Variants in TRAPPC9 observed in about 807,000 individuals in gnomAD.
TRAPPC9 encodes IKK2 binding protein.
TRAPPC9 carries 83 observed loss-of-function variants against 124.0 expected under a neutral mutation model. That is an observed-to-expected ratio of 0.67 (90% CI 0.56 to 0.80). The LOEUF is 0.80. Ranked by LOEUF, TRAPPC9 falls within the 30% of genes least tolerant of loss-of-function variation. TRAPPC9 has a pLI of 0.00. For synonymous variants in TRAPPC9, 638 were observed against 617.5 expected, an observed-to-expected ratio of 1.03 and a Z score of -0.49; for missense variants, 1,302 against 1,508.3, an observed-to-expected ratio of 0.86 and a Z score of 2.27.
intron 1 of TRAPPC9, among the ~76,000 whole-genome samples, chr8:140,455,843 G>A (rs537861422): frequency 6.6e-6 from 1 of 152,284 alleles, no homozygotes; most frequent in South Asian, 2.1e-4. Context: ...CCACAGAAAG[G>A]AACAAAGTGC....
At chr8:139,965,789 C>CAAGGGGAAAT (rs1835667156) in intron 19 of TRAPPC9, among the ~76,000 whole-genome samples, 2 of 152,070 alleles carry the variant, frequency 1.3e-5, no homozygotes, top group Non-Finnish European at 2.9e-5. Flanking sequence ...CCATGTTGAG[C>CAAGGGGAAAT]AGAGTTGGCT....
At chr8:139,807,857 A>G (rs1824176079) in intron 21 of TRAPPC9, among the ~76,000 whole-genome samples, 1 of 152,208 alleles carries the variant, frequency 6.6e-6, no homozygotes, top group South Asian at 2.1e-4. Context: ...AAGCACAGGC[A>G]CCGGCTGGGT....
At chr8:139,807,657 G>T (rs555452176) in intron 21 of TRAPPC9, among the ~76,000 whole-genome samples, 2 of 152,118 alleles carry the variant, frequency 1.3e-5, no homozygotes, top group African/African-American at 2.4e-5. Context: ...AAAGGTGGGC[G>T]AACGGTACCA....
chr8:139,852,048 T>C (rs1475644896), intron 21 of TRAPPC9, among the ~76,000 whole-genome samples: 1 of 152,154 alleles, frequency 6.6e-6, no homozygotes. Flanking sequence ...AATTGAATCA[T>C]GGGGGCAGGT....
intron 17 of TRAPPC9, among the ~76,000 whole-genome samples, chr8:140,193,825 T>C (rs574840386): frequency 6.6e-5 from 10 of 152,250 alleles, no homozygotes; most frequent in African/African-American, 2.4e-4. Context: ...GTAATACCTA[T>C]CTTTCAGGGC....
intron 21 of TRAPPC9, among the ~76,000 whole-genome samples, chr8:139,773,214 C>T (rs1821107266): frequency 6.6e-6 from 1 of 152,244 alleles, no homozygotes; most frequent in African/African-American, 2.4e-5. Context: ...CCTGGCGCGC[C>T]CAGGTCTCTG....
chr8:140,435,164 C>G lies in TRAPPC9; in HGVS notation c.807G>C (p.Arg269=), dbSNP rs781716634. 1.9e-6 allele frequency: 3 copies of G among 1,614,048 alleles called. No homozygotes were observed. The change falls in exon 4 of 23, where the codon CGG becomes CGC. Residue 269 remains arginine (R), a synonymous_variant. Transcript: ENST00000438773. ...CAGGAAGGGTGCTGCCCTGGAACCT[C>G]CGAGCTCCACTCTTCCCACCAGTTC... is the stretch of plus-strand genomic sequence containing the variant. ...PGGTGGKSGA[R]RFQGSTLPAE...
At chr8:140,091,597 C>G (rs1201254517) in intron 17 of TRAPPC9, among the ~76,000 whole-genome samples, 1 of 152,146 alleles carries the variant, frequency 6.6e-6, no homozygotes, top group African/African-American at 2.4e-5. Context: ...GAGGGAAAAC[C>G]TCATTATAAA....
intron 21 of TRAPPC9, 77 bp from the exon 22 acceptor site, chr8:139,732,279 T>A: frequency 7.6e-7 from 1 of 1,323,916 alleles, no homozygotes; most frequent in Non-Finnish European, 1.0e-6. Context: ...ACTCGCTGAT[T>A]CATTCATTTC....
At chr8:140,302,589 C>G (rs1447172266) in intron 10 of TRAPPC9, 1 of 152,268 alleles carries the variant, frequency 6.6e-6, no homozygotes, top group East Asian at 1.9e-4. Flanking sequence ...TCAGGAACAG[C>G]AGCCGTCAGG....
intron 17 of TRAPPC9, among the ~76,000 whole-genome samples, chr8:140,203,311 G>C (rs2062837660): frequency 6.6e-6 from 1 of 152,162 alleles, no homozygotes; most frequent in South Asian, 2.1e-4. Context: ...ATACACTCTG[G>C]CTTCATGGTC....
intron 9 of TRAPPC9, among the ~76,000 whole-genome samples, chr8:140,324,569 G>T (rs1027416456): frequency 6.6e-5 from 10 of 152,102 alleles, no homozygotes; most frequent in African/African-American, 2.4e-4. Flanking sequence ...CCAGAAGTTC[G>T]AGACCAGCCT....
chr8:139,833,972 T>C (rs1339514463), intron 21 of TRAPPC9, among the ~76,000 whole-genome samples: 1 of 152,110 alleles, frequency 6.6e-6, no homozygotes, highest in Non-Finnish European at 1.5e-5. Context: ...GGCTTTCCTG[T>C]GGCATGACCT....
At chr8:140,091,034 A>G (rs1844535635) in intron 17 of TRAPPC9, among the ~76,000 whole-genome samples, 1 of 152,230 alleles carries the variant, frequency 6.6e-6, no homozygotes, top group Non-Finnish European at 1.5e-5. Context: ...AGAAGACTGC[A>G]GAGAGAGAGA....
In TRAPPC9 at chr8:140,257,285, C is replaced by T. The variant is rs185323015; in HGVS notation, c.2279-4356G>A. ...AACCCTGGCCCTCACACCCATTCAC[C>T]GTGCCTCAGTCCTCTGGCAGCTCAG... On this transcript the variant is annotated intron_variant, in intron 15 of 22. Coordinates refer to ENST00000438773, the MANE Select transcript of TRAPPC9 (RefSeq NM_001160372.4). The surrounding 1 kb of genome is among the most constrained non-coding windows in gnomAD (Gnocchi z 4.6). Among the ~76,000 whole-genome samples the T allele has an allele frequency of 4.1e-4, 63 of 152,350 alleles. No homozygotes were observed. Among genetic ancestry groups the T allele is most frequent in the African/African-American group, 1.4e-3 (59 of 41,586 alleles).
intron 19 of TRAPPC9, among the ~76,000 whole-genome samples, chr8:139,924,427 G>A (rs978875955): frequency 6.6e-6 from 1 of 152,120 alleles, no homozygotes; most frequent in Admixed American, 6.5e-5. Context: ...CTTAGGAAAG[G>A]CATTCAAAGC....
intron 17 of TRAPPC9, among the ~76,000 whole-genome samples, chr8:140,150,030 T>C (rs774540572): frequency 3.3e-5 from 5 of 152,162 alleles, no homozygotes; most frequent in Non-Finnish European, 7.4e-5. Context: ...AGCAAGGACA[T>C]AGAGGCAGTC....
At chr8:140,026,168 C>T (rs899304627) in intron 17 of TRAPPC9, among the ~76,000 whole-genome samples, 2 of 152,176 alleles carry the variant, frequency 1.3e-5, no homozygotes, top group Non-Finnish European at 2.9e-5. Context: ...CGTGTTGAAT[C>T]GTGGGTCAGA....
At chr8:139,833,623 G>C (rs1826132247) in intron 21 of TRAPPC9, among the ~76,000 whole-genome samples, 1 of 152,280 alleles carries the variant, frequency 6.6e-6, no homozygotes, top group African/African-American at 2.4e-5. Flanking sequence ...TTCACAGGCA[G>C]GGCACTGTGC....
Sources: gnomAD v4.1 joint callset for allele counts (sites outside exome capture counted in the v4.1 genomes callset) on GRCh38, gnomAD v4.1.1 for gene constraint, Gnocchi (gnomAD v3.1) non-coding constraint, MANE v1.5 for transcripts, NCBI Gene and HGNC (gene_info 2026-07-23, HGNC 2026-07-21) for gene names.